WDR43: variants seen among roughly 807,000 people sequenced by gnomAD.
The protein encoded by WDR43 is WD repeat-containing protein 43.
In WDR43, 13 loss-of-function variants were observed where a neutral mutation model predicts 91.4. That is an observed-to-expected ratio of 0.14 (90% confidence interval 0.09 to 0.23). The LOEUF (loss-of-function observed/expected upper bound fraction) is 0.23, where lower values mean the gene tolerates loss of function less well. Among genes scored for constraint, WDR43 ranks in the 10% least tolerant of loss-of-function variants. WDR43 has a pLI of 1.00. For synonymous variants in WDR43, 331 were observed against 287.9 expected (o/e 1.15, Z -1.51); for missense variants, 780 against 809.4 (o/e 0.96, Z 0.44).
chr2:28,913,187 C>G lies in WDR43; in HGVS notation c.606+477C>G, dbSNP rs191232604. Among the ~76,000 whole-genome samples, 159 of 152,216 alleles carry G rather than the reference C, an allele frequency of 1.0e-3. 2 individuals are homozygous for G. In the Middle Eastern group the frequency reaches 0.031, roughly 29 times the overall value. Reference sequence around the variant, plus strand: ...GCTATGATGGTCTCGATCTCCTGGCCTCGTGATCTGCCTGCCTCGGCCTCC... The same window carrying G: ...GCTATGATGGTCTCGATCTCCTGGCGTCGTGATCTGCCTGCCTCGGCCTCC... On this transcript the variant is annotated intron_variant, in intron 4 of 17. Transcript: ENST00000407426.
chr2:28,929,750 A>G, intron 11 of WDR43, 40 bp downstream of exon 11: 4 of 1,585,914 alleles, frequency 2.5e-6, no homozygotes, highest in South Asian at 1.1e-5. Context: ...AACATGGTTA[A>G]TATTTCTTAG....
At chr2:28,922,654 A>G (rs981812632) in intron 6 of WDR43, among the ~76,000 whole-genome samples, 6 of 152,212 alleles carry the variant, frequency 3.9e-5, no homozygotes, top group Non-Finnish European at 7.3e-5. Context: ...TGCACTTGGT[A>G]GTAACTTTGT....
intron 1 of WDR43, 154 bp downstream of exon 1, chr2:28,895,077 GC>G: frequency 1.4e-6 from 1 of 707,714 alleles, no homozygotes; most frequent in Non-Finnish European, 2.0e-6. Context: ...GGCCCAAGCC[GC>G]CAGCCCCGCG....
chr2:28,901,439 G>A (rs570156103), intron 1 of WDR43, among the ~76,000 whole-genome samples: 4 of 152,198 alleles, frequency 2.6e-5, no homozygotes, highest in Non-Finnish European at 5.9e-5. Context: ...GCTCTGAGCT[G>A]CTCTACTAGT....
rs753177626 is a variant in WDR43 at position 28,902,137 on chromosome 2, A to G, written c.363+13A>G. The G allele has an allele frequency of 2.6e-6, 4 of 1,538,406 alleles. No individual in the cohort carries two copies. The highest frequency in any genetic ancestry group is 2.6e-6 in the Non-Finnish European group (3 of 1,144,004). On this transcript the variant is annotated intron_variant, in intron 2 of 17. Transcript: ENST00000407426. The stretch of plus-strand genomic sequence containing the variant: ...CAGTAAATTAATAGTAAGTGTGTGT[A>G]TATTTTATTTAAAAGTGATGTGACA...
intron 6 of WDR43, among the ~76,000 whole-genome samples, chr2:28,920,993 T>A (rs1671013562): frequency 6.8e-6 from 1 of 146,456 alleles, no homozygotes; most frequent in African/African-American, 2.4e-5. Flanking sequence ...GAATTTTTAC[T>A]TTCTCTTTTT....
intron 2 of WDR43, among the ~76,000 whole-genome samples, chr2:28,904,408 T>G (rs1670638402): frequency 6.6e-6 from 1 of 152,222 alleles, no homozygotes; most frequent in South Asian, 2.1e-4. Context: ...TAAGTGGTAT[T>G]TAGTAAATAT....
In WDR43 at chr2:28,938,981, G is replaced by A. The variant is rs188594668; in HGVS notation, c.1620+987G>A. Among the ~76,000 whole-genome samples the A allele has an allele frequency of 9.0e-4, 136 of 151,368 alleles. 1 individual carries two copies. The highest frequency in any genetic ancestry group is 1.6e-3 in the Non-Finnish European group (109 of 67,780). ...AGGTGGCCTGGCAGCACTGGTGAGG[G>A]GGGTTTTGGGAGGTGGCCTGGGAAC... On this transcript the variant is annotated intron_variant, in intron 14 of 17. Transcript: ENST00000407426.
chr2:28,921,123 TAA>T (rs752901999), intron 6 of WDR43, among the ~76,000 whole-genome samples: 2 of 141,660 alleles, frequency 1.4e-5, no homozygotes, highest in African/African-American at 5.3e-5. Flanking sequence ...CAGAACTTTT[TAA>T]AAAAAATTTT....
chr2:28,937,824 A>G (rs1489945617), intron 13 of WDR43, 107 bp from the exon 14 acceptor site: 2 of 1,029,716 alleles, frequency 1.9e-6, no homozygotes, highest in Non-Finnish European at 2.9e-6. Context: ...TCATTTTCAC[A>G]GAGCAACATT....
At position 28,938,871 on chromosome 2, in the gene WDR43, TA is replaced by T. The variant is rs1288424050; in HGVS notation, c.1620+878del. ...AACAGATCTTGGGTGTCCCAGCCTGTAGGAGGCTTGGGAGGTGACCTGGGAA... is the reference window on the plus strand; with the variant it reads ...AACAGATCTTGGGTGTCCCAGCCTGTGGAGGCTTGGGAGGTGACCTGGGAA... On this transcript the variant is annotated intron_variant, in intron 14 of 17. Coordinates refer to ENST00000407426, the MANE Select transcript of WDR43 (RefSeq NM_015131.3). Among the ~76,000 whole-genome samples the T allele has an allele frequency of 6.6e-5, 10 of 152,266 alleles. No individual in the cohort carries two copies. The East Asian group carries it at 1.9e-3, about 29-fold the overall frequency.
At chr2:28,918,357 T>C (rs1472106398) in intron 6 of WDR43, among the ~76,000 whole-genome samples, 1 of 151,982 alleles carries the variant, frequency 6.6e-6, no homozygotes, top group Non-Finnish European at 1.5e-5. Context: ...TTTCTTTTTT[T>C]ATCTCTTTTT....
chr2:28,936,199 A>C (rs1671334569), intron 12 of WDR43, among the ~76,000 whole-genome samples: 1 of 152,150 alleles, frequency 6.6e-6, no homozygotes, highest in Non-Finnish European at 1.5e-5. Context: ...ATCTTAAAAA[A>C]AAAAAGTATA....
At chr2:28,941,838 T>C (rs1671443196) in intron 15 of WDR43, among the ~76,000 whole-genome samples, 1 of 152,116 alleles carries the variant, frequency 6.6e-6, no homozygotes, top group Admixed American at 6.5e-5. Context: ...CAAGGGATCC[T>C]ACCACCTTGA....
At chr2:28,931,060 CTTTTT>C (rs1027758232) in intron 11 of WDR43, among the ~76,000 whole-genome samples, 1 of 147,168 alleles carries the variant, frequency 6.8e-6, no homozygotes, top group African/African-American at 2.5e-5. Flanking sequence ...TTGTCTCAAA[CTTTTT>C]TTTTATTTCT....
intron 6 of WDR43, among the ~76,000 whole-genome samples, chr2:28,921,478 A>C (rs952137177): frequency 1.2e-4 from 18 of 152,204 alleles, no homozygotes; most frequent in African/African-American, 4.3e-4. Context: ...CAGGAAGCCA[A>C]GTTCTAATTC....
intron 1 of WDR43, among the ~76,000 whole-genome samples, chr2:28,899,206 C>T (rs942594649): frequency 4.6e-5 from 7 of 152,106 alleles, no homozygotes; most frequent in Non-Finnish European, 1.0e-4. Context: ...CTTTTTATTA[C>T]TTAATATATT....
At chr2:28,942,244 T>C in intron 15 of WDR43, 68 bp from the exon 16 acceptor site, 2 of 1,500,132 alleles carry the variant, frequency 1.3e-6, no homozygotes, top group Non-Finnish European at 1.8e-6. Flanking sequence ...AGGTTGGGTA[T>C]GCTGGTGGTC....
At chr2:28,897,286 T>C (rs370462966) in intron 1 of WDR43, among the ~76,000 whole-genome samples, 2 of 152,146 alleles carry the variant, frequency 1.3e-5, no homozygotes, top group African/African-American at 4.8e-5. Flanking sequence ...TAACAAGATA[T>C]CTTAGAAAAA....
Sources: gnomAD v4.1 joint callset for allele counts (sites outside exome capture counted in the v4.1 genomes callset) on GRCh38, gnomAD v4.1.1 for gene constraint, MANE v1.5 for transcripts, NCBI Gene and HGNC (gene_info 2026-07-23, HGNC 2026-07-21) for gene names.